Variants in KLF12 observed in about 807,000 individuals in gnomAD.
KLF12 encodes KLF transcription factor 12.
In KLF12, 9 loss-of-function variants were observed where a neutral mutation model predicts 37.8. The observed-to-expected ratio is 0.24, with a 90% CI of 0.14 to 0.42. The LOEUF (loss-of-function observed/expected upper bound fraction) is 0.42. Among genes scored for constraint, KLF12 ranks in the 10% least tolerant of loss-of-function variants. KLF12 has a pLI of 1.00. For missense variants in KLF12, 411 were observed against 516.0 expected, an observed-to-expected ratio of 0.80 and a Z score of 1.97; for synonymous variants, 208 against 202.1, an observed-to-expected ratio of 1.03 and a Z score of -0.25.
intron 5 of KLF12, among the ~76,000 whole-genome samples, chr13:73,791,157 A>G (rs572719040): frequency 2.6e-4 from 40 of 152,376 alleles, no homozygotes; most frequent in African/African-American, 9.1e-4. Flanking sequence ...CAAACAAAAT[A>G]TGATAGAAAT....
At chr13:73,924,544 A>G (rs1593734492) in intron 3 of KLF12, among the ~76,000 whole-genome samples, 1 of 152,100 alleles carries the variant, frequency 6.6e-6, no homozygotes, top group Non-Finnish European at 1.5e-5. Flanking sequence ...TGCCCCACCC[A>G]CCAGCCATTC....
chr13:74,164,803 G>A, the KLF12 span, among the ~76,000 whole-genome samples: 2 of 152,272 alleles, frequency 1.3e-5, no homozygotes, highest in Non-Finnish European at 2.9e-5. Context: ...AATAAGCCAG[G>A]CACCAAAAGA....
intron 3 of KLF12, among the ~76,000 whole-genome samples, chr13:73,923,535 G>C (rs1238017970): frequency 1.3e-5 from 2 of 152,178 alleles, no homozygotes; most frequent in African/African-American, 2.4e-5. Context: ...GTGCCCATCA[G>C]ACAGGGCAGA....
intron 3 of KLF12, among the ~76,000 whole-genome samples, chr13:73,888,712 CT>C (rs1887353893): frequency 6.6e-6 from 1 of 152,090 alleles, no homozygotes; most frequent in African/African-American, 2.4e-5. Context: ...TGTTTTTATG[CT>C]TTATAAACCT....
intron 1 of KLF12, among the ~76,000 whole-genome samples, chr13:74,114,300 T>G (rs75108884): frequency 6.6e-6 from 1 of 152,196 alleles, no homozygotes; most frequent in Non-Finnish European, 1.5e-5. Flanking sequence ...AATGTTAGCA[T>G]TTTTTAGCAA....
the KLF12 span, among the ~76,000 whole-genome samples, chr13:74,194,765 T>A: frequency 6.2e-3 from 950 of 152,312 alleles, 19 homozygotes; most frequent in East Asian, 0.037. Context: ...AGAAATGCAT[T>A]CTGATGTGTT....
chr13:74,050,830 G>A (rs1054766731), intron 1 of KLF12, among the ~76,000 whole-genome samples: 1 of 152,080 alleles, frequency 6.6e-6, no homozygotes, highest in Admixed American at 6.6e-5. Context: ...TTGATAAGGA[G>A]TTAATATCCA....
chr13:74,146,580 TA>T, the KLF12 span, among the ~76,000 whole-genome samples: 1 of 152,196 alleles, frequency 6.6e-6, no homozygotes, highest in Admixed American at 6.5e-5. Context: ...TGTTTTCTTT[TA>T]AAAAACAGTC....
intron 6 of KLF12, among the ~76,000 whole-genome samples, chr13:73,722,675 G>A (rs1034102598): frequency 6.6e-6 from 1 of 152,078 alleles, no homozygotes; most frequent in Admixed American, 6.5e-5. Context: ...TTCTAATTTG[G>A]ATTCAATAAA....
At chr13:73,758,237 A>G (rs935135783) in intron 6 of KLF12, among the ~76,000 whole-genome samples, 12 of 152,090 alleles carry the variant, frequency 7.9e-5, no homozygotes, top group Admixed American at 7.2e-4. Flanking sequence ...TTTAAAAGGA[A>G]GAGGTTTGGG....
chr13:74,168,387 C>T, the KLF12 span, among the ~76,000 whole-genome samples: 1 of 152,338 alleles, frequency 6.6e-6, no homozygotes, highest in South Asian at 2.1e-4. Flanking sequence ...TTTCTTTTGG[C>T]ACAGGAGTGC....
intron 6 of KLF12, among the ~76,000 whole-genome samples, chr13:73,721,282 T>A (rs1366990519): frequency 6.6e-6 from 1 of 152,214 alleles, no homozygotes; most frequent in Non-Finnish European, 1.5e-5. Context: ...AATGTTATGC[T>A]TATTCAGATG....
chr13:73,861,176 G>A (rs1043454003), intron 3 of KLF12, among the ~76,000 whole-genome samples: 3 of 151,758 alleles, frequency 2.0e-5, no homozygotes, highest in Admixed American at 1.3e-4. Flanking sequence ...TCTGTCAATC[G>A]GGGTGTAATA....
chr13:74,261,359 T>C, the KLF12 span, among the ~76,000 whole-genome samples: 1 of 152,160 alleles, frequency 6.6e-6, no homozygotes, highest in Non-Finnish European at 1.5e-5. Flanking sequence ...CCATAATATA[T>C]ACGCAGAATT....
intron 2 of KLF12, among the ~76,000 whole-genome samples, chr13:73,957,649 A>T (rs1166007448): frequency 6.6e-6 from 1 of 152,222 alleles, no homozygotes; most frequent in Non-Finnish European, 1.5e-5. Context: ...CACAAAAACA[A>T]AGAGTGACCC....
chr13:74,062,329 T>C (rs557587347), intron 1 of KLF12, among the ~76,000 whole-genome samples: 82 of 152,344 alleles, frequency 5.4e-4, no homozygotes, highest in Admixed American at 2.5e-3. Context: ...ATTTGGTTGA[T>C]GTATCTGGAC....
At chr13:74,029,026 C>T (rs1401494846) in intron 1 of KLF12, among the ~76,000 whole-genome samples, 1 of 151,972 alleles carries the variant, frequency 6.6e-6, no homozygotes, top group African/African-American at 2.4e-5. Flanking sequence ...TTCTCAGTAC[C>T]ACATTACCAA....
At chr13:74,222,206 G>C in the KLF12 span, among the ~76,000 whole-genome samples, 3 of 152,204 alleles carry the variant, frequency 2.0e-5, no homozygotes, top group Non-Finnish European at 4.4e-5. Flanking sequence ...GCCTCTTGGG[G>C]CACTCTAATT....
At chr13:74,168,680 TG>T in the KLF12 span, among the ~76,000 whole-genome samples, 76 of 152,280 alleles carry the variant, frequency 5.0e-4, no homozygotes, top group Non-Finnish European at 1.0e-3. Context: ...CTATTAGAAA[TG>T]GAAATAACGG....
Sources: gnomAD v4.1 joint callset for allele counts (sites outside exome capture counted in the v4.1 genomes callset) on GRCh38, gnomAD v4.1.1 for gene constraint, MANE v1.5 for transcripts, NCBI Gene and HGNC (gene_info 2026-07-23, HGNC 2026-07-21) for gene names.